The following MAPK1IP1L variants were observed in gnomAD, a reference collection of about 807,000 sequenced individuals.
MAPK1IP1L encodes mitogen-activated protein kinase 1 interacting protein 1 like.
Under a neutral mutation model 18.1 loss-of-function variants are expected in MAPK1IP1L, and 10 were observed. The observed-to-expected ratio is 0.55, with a 90% CI of 0.34 to 0.94. The LOEUF is 0.94. Among genes scored for constraint, MAPK1IP1L ranks in the 40% least tolerant of loss-of-function variants. The pLI, the probability that MAPK1IP1L is intolerant of heterozygous loss-of-function variation, is 0.02. For missense variants in MAPK1IP1L, 260 were observed against 318.2 expected (o/e 0.82, Z 1.39); for synonymous variants, 115 against 117.3 (o/e 0.98, Z 0.13).
At chr14:55,063,860 G>C (rs2042839717) in intron 3 of MAPK1IP1L, 1 of 152,470 alleles carries the variant, frequency 6.6e-6, no homozygotes, top group African/African-American at 2.4e-5. Flanking sequence ...AGACAACCCA[G>C]TGTGGGGTTA....
intron 1 of MAPK1IP1L, among the ~76,000 whole-genome samples, chr14:55,057,174 A>C (rs2042778606): frequency 1.3e-5 from 2 of 152,194 alleles, no homozygotes; most frequent in South Asian, 4.1e-4. Flanking sequence ...TTGGAGCAAG[A>C]CCTCTGTGCC....
At chr14:55,052,252 C>T (rs1395887907) in intron 1 of MAPK1IP1L, among the ~76,000 whole-genome samples, 1 of 152,110 alleles carries the variant, frequency 6.6e-6, no homozygotes, top group African/African-American at 2.4e-5. Flanking sequence ...TTCCCCTCTA[C>T]CCCCACCCTA....
rs2042829146 is a variant in MAPK1IP1L at position 55,062,894 on chromosome 14, G to C, written c.295G>C (p.Gly99Arg). The C allele has an allele frequency of 6.2e-7, 1 of 1,614,038 alleles. No individual in the cohort carries two copies. Among genetic ancestry groups the C allele is most frequent in the African/African-American group, 1.3e-5 (1 of 75,006 alleles). Residue 99 changes from glycine (G) to arginine (R), a missense_variant, in exon 3 of 4, where the codon GGT becomes CGT. Transcript: ENST00000395468. ...PPSGPSCPPP[G>R]GPYPAPTVPG... is the part of the protein sequence containing the mutation. ...TTCCGGACCATCATGTCCCCCACCTGGTGGTCCTTATCCAGCCCCAACTGT... is the reference window on the plus strand; with the variant it reads ...TTCCGGACCATCATGTCCCCCACCTCGTGGTCCTTATCCAGCCCCAACTGT...
At chr14:55,058,369 C>T (rs1032359754) in intron 1 of MAPK1IP1L, among the ~76,000 whole-genome samples, 2 of 152,008 alleles carry the variant, frequency 1.3e-5, no homozygotes, top group African/African-American at 2.4e-5. Flanking sequence ...CATATATGAA[C>T]GAACAATTAG....
At chr14:55,061,812 A>T (rs1241358845) in intron 2 of MAPK1IP1L, 111 bp downstream of exon 2, 2 of 864,736 alleles carry the variant, frequency 2.3e-6, no homozygotes, top group Non-Finnish European at 1.7e-6. Flanking sequence ...TTAACCAGGC[A>T]TGGTGGTGTG....
At chr14:55,062,130 T>C (rs925836371) in intron 2 of MAPK1IP1L, among the ~76,000 whole-genome samples, 1 of 152,238 alleles carries the variant, frequency 6.6e-6, no homozygotes, top group Non-Finnish European at 1.5e-5. Context: ...CCTGATAGTA[T>C]TAATAGCCAA....
chr14:55,062,786 C>A lies in MAPK1IP1L; in HGVS notation c.187C>A (p.Pro63Thr). 6.2e-7 allele frequency: 1 copy of A among 1,614,206 alleles called. No individual in the cohort carries two copies. Among genetic ancestry groups the A allele is most frequent in the Non-Finnish European group, 8.5e-7 (1 of 1,180,030 alleles). ...LPPSATPSTV[P>T]FGPAPTGMYP... is the part of the protein sequence containing the mutation. ...ACCAAGTGCAACACCCTCCACTGTG[C>A]CTTTTGGACCAGCACCAACAGGAAT... Residue 63 changes from proline (P) to threonine (T), a missense_variant, in exon 3 of 4, where the codon CCT becomes ACT. By Grantham distance (38) the Pro-to-Thr change is conservative (BLOSUM62 -1). Coordinates refer to ENST00000395468, the MANE Select transcript of MAPK1IP1L (RefSeq NM_144578.4).
intron 3 of MAPK1IP1L, among the ~76,000 whole-genome samples, chr14:55,064,270 AG>A (rs2042844756): frequency 6.6e-6 from 1 of 151,882 alleles, no homozygotes; most frequent in Non-Finnish European, 1.5e-5. Flanking sequence ...CTGGGATTAC[AG>A]GCCTGAGCCA....
intron 1 of MAPK1IP1L, among the ~76,000 whole-genome samples, chr14:55,061,097 C>T (rs891822701): frequency 6.6e-6 from 1 of 152,070 alleles, no homozygotes; most frequent in Non-Finnish European, 1.5e-5. Context: ...TTGCAGTGAG[C>T]TGTGATCTCT....
intron 1 of MAPK1IP1L, among the ~76,000 whole-genome samples, chr14:55,054,614 C>G (rs575400714): frequency 6.6e-6 from 1 of 152,278 alleles, no homozygotes; most frequent in South Asian, 2.1e-4. Flanking sequence ...ATAACTTCTA[C>G]AGATGGAAAA....
In MAPK1IP1L at chr14:55,068,550, G is replaced by T. The variant is rs1442159812; in HGVS notation, c.*3923G>T. ...TAGAAAGCCTGGAAATAAAACTTAA[G>T]CACAGACATTCAAGTTTTTGAAAAG... On this transcript the variant is annotated 3_prime_UTR_variant, in exon 4 of 4. Coordinates refer to ENST00000395468, the MANE Select transcript of MAPK1IP1L (RefSeq NM_144578.4). 1 of 152,366 alleles carries T rather than the reference G, an allele frequency of 6.6e-6. No individual in the cohort carries two copies. 9.4% of individuals were successfully genotyped at this position (152,366 alleles called of 1,614,324 possible).
At chr14:55,059,922 A>G (rs999522099) in intron 1 of MAPK1IP1L, among the ~76,000 whole-genome samples, 1 of 152,176 alleles carries the variant, frequency 6.6e-6, no homozygotes, top group Admixed American at 6.5e-5. Context: ...GAAAAGATAG[A>G]TAGTTGATAA....
chr14:55,067,742 CAA>C lies in MAPK1IP1L; in HGVS notation c.*3116_*3117del, dbSNP rs1594629235. The C allele has an allele frequency of 1.3e-5, 2 of 152,124 alleles. No homozygotes were observed. The highest frequency in any genetic ancestry group is 2.4e-5 in the African/African-American group (1 of 41,418). The allele number at this position is 152,124 out of a possible 1,614,324, so 9.4% of individuals were successfully genotyped here. A position where few individuals can be genotyped will look rare whatever the true frequency, so the allele number is the denominator to read the frequency against. ...AAAGGGAACAATGTTGCTTTCAAAACAAGACATGCTAGGCTGAAACTGATTTA... is the reference window on the plus strand; with the variant it reads ...AAAGGGAACAATGTTGCTTTCAAAACGACATGCTAGGCTGAAACTGATTTA... On this transcript the variant is annotated 3_prime_UTR_variant, in exon 4 of 4. Coordinates refer to ENST00000395468, the MANE Select transcript of MAPK1IP1L (RefSeq NM_144578.4).
chr14:55,055,443 C>T (rs2140257195), intron 1 of MAPK1IP1L, among the ~76,000 whole-genome samples: 1 of 152,264 alleles, frequency 6.6e-6, no homozygotes, highest in East Asian at 1.9e-4. Context: ...TTGCAAGACT[C>T]CCCAATGAAT....
Position 55,063,179 on chromosome 14 carries a change from G to A in MAPK1IP1L, c.580G>A (p.Val194Ile), listed in dbSNP as rs774144235. The A allele has an allele frequency of 8.7e-6, 14 of 1,614,088 alleles. No individual in the cohort carries two copies. Among genetic ancestry groups the A allele is most frequent in the South Asian group, 2.2e-5 (2 of 91,082 alleles). ...GAAPPVPWGT[V>I]PPGAWGPPAP... Reference sequence around the variant, plus strand: ...AGCACCACCTGTTCCATGGGGCACCGTTCCACCAGGAGCCTGGGGACCACC... The same window carrying A: ...AGCACCACCTGTTCCATGGGGCACCATTCCACCAGGAGCCTGGGGACCACC... Residue 194 changes from valine (V) to isoleucine (I), a missense_variant, in exon 3 of 4, where the codon GTT becomes ATT. Coordinates refer to ENST00000395468, the MANE Select transcript of MAPK1IP1L (RefSeq NM_144578.4).
chr14:55,063,125 G>T lies in MAPK1IP1L; in HGVS notation c.526G>T (p.Ala176Ser), dbSNP rs775774199. 1 of 1,613,534 alleles carries T rather than the reference G, an allele frequency of 6.2e-7. No individual in the cohort carries two copies. The highest frequency in any genetic ancestry group is 1.1e-5 in the South Asian group (1 of 91,046). The stretch of plus-strand genomic sequence containing the variant: ...ATATCCATCTCCAGGCCCATATCCC[G>T]CTCCTCCTCCTCCCCAAGCCCCTGG... Reference protein sequence around the residue: ...MPYPSPGPYPAPPPPQAPGAA... With the variant: ...MPYPSPGPYPSPPPPQAPGAA... The change falls in exon 3 of 4, where the codon GCT becomes TCT. Residue 176 changes from alanine to serine, a missense_variant. Physicochemically the swap from Ala to Ser is moderately conservative, Grantham distance 99. Transcript: ENST00000395468.
chr14:55,057,992 A>G (rs190056129), intron 1 of MAPK1IP1L, among the ~76,000 whole-genome samples: 1 of 152,254 alleles, frequency 6.6e-6, no homozygotes, highest in East Asian at 1.9e-4. Flanking sequence ...TAATAAAAAG[A>G]TAATTATTTG....
Position 55,070,129 on chromosome 14 carries a change from GAAAGT to G in MAPK1IP1L, c.*5504_*5508del, listed in dbSNP as rs2042894117. 2 of 152,192 alleles carry G rather than the reference GAAAGT, an allele frequency of 1.3e-5. No individual in the cohort carries two copies. Among genetic ancestry groups the G allele is most frequent in the Non-Finnish European group, 2.9e-5 (2 of 68,034 alleles). The allele number at this position is 152,192 out of a possible 1,614,324, so 9.4% of individuals were successfully genotyped here. A position where few individuals can be genotyped will look rare whatever the true frequency, so the allele number is the denominator to read the frequency against. On this transcript the variant is annotated 3_prime_UTR_variant, in exon 4 of 4. Transcript: ENST00000395468. Reference sequence around the variant, plus strand: ...TTTGATATGTTATTCAATATCCCATGAAAGTATTCACCTAAAGTGGAGTTATGAAA... The same window carrying G: ...TTTGATATGTTATTCAATATCCCATGATTCACCTAAAGTGGAGTTATGAAA...
chr14:55,063,028 T>A lies in MAPK1IP1L; in HGVS notation c.429T>A (p.Gly143=). 6.2e-7 allele frequency: 1 copy of A among 1,613,978 alleles called. No homozygotes were observed. Among genetic ancestry groups the A allele is most frequent in the Non-Finnish European group, 8.5e-7 (1 of 1,179,958 alleles). The part of the protein sequence containing the change: ...PTDPAAAGPL[G]PWGSMSSGPW... ...ATCCAGCTGCAGCTGGTCCTTTAGGTCCATGGGGATCCATGTCTTCTGGAC... is the reference window on the plus strand; with the variant it reads ...ATCCAGCTGCAGCTGGTCCTTTAGGACCATGGGGATCCATGTCTTCTGGAC... Residue 143 remains glycine, a synonymous_variant, in exon 3 of 4, where the codon GGT becomes GGA. Transcript: ENST00000395468.
Sources: allele counts gnomAD v4.1 joint callset (sites outside exome capture counted in the v4.1 genomes callset), GRCh38; gene constraint gnomAD v4.1.1; transcripts MANE v1.5; gene names NCBI Gene and HGNC (gene_info 2026-07-23, HGNC 2026-07-21).